SORBS2: variants seen among roughly 807,000 people sequenced by gnomAD.
SORBS2 encodes sorbin and SH3 domain-containing protein 2.
In SORBS2, 46 loss-of-function variants were observed where a neutral mutation model predicts 97.7. The ratio of observed to expected loss-of-function variants is 0.47; its 90% confidence interval spans 0.37 to 0.60. The LOEUF is 0.60. Ranked by LOEUF, SORBS2 falls within the 20% of genes least tolerant of loss-of-function variation. The probability of loss-of-function intolerance (pLI) is 0.00; values close to 1 mark genes in which losing one functional copy is unlikely to be tolerated. For synonymous variants in SORBS2, 476 were observed against 473.4 expected (o/e 1.01, Z -0.07); for missense variants, 1,316 against 1,282.3 (o/e 1.03, Z -0.40).
At chr4:185,774,784 A>G (rs2098991879) in intron 2 of SORBS2, 1 of 152,148 alleles carries the variant, frequency 6.6e-6, no homozygotes, top group Admixed American at 6.5e-5. Flanking sequence ...AGAACATTAT[A>G]CAATACGGCT....
intron 2 of SORBS2, among the ~76,000 whole-genome samples, chr4:185,704,579 A>G (rs1196393483): frequency 6.6e-6 from 1 of 152,094 alleles, no homozygotes; most frequent in Non-Finnish European, 1.5e-5. Flanking sequence ...TCGGCCTCCC[A>G]AAGTGCTGGG....
chr4:185,790,280 T>C (rs763142996), intron 1 of SORBS2, among the ~76,000 whole-genome samples: 5 of 152,180 alleles, frequency 3.3e-5, no homozygotes, highest in Non-Finnish European at 5.9e-5. Flanking sequence ...GTAGCTAGCA[T>C]TGGGGTAAGA....
intron 1 of SORBS2, among the ~76,000 whole-genome samples, chr4:185,886,372 A>G (rs1209928570): frequency 1.3e-5 from 2 of 151,906 alleles, no homozygotes; most frequent in Non-Finnish European, 2.9e-5. Context: ...TGGCTAACAC[A>G]GTGAAACCCC....
At chr4:185,848,671 T>A (rs899536386) in intron 1 of SORBS2, among the ~76,000 whole-genome samples, 1 of 120,172 alleles carries the variant, frequency 8.3e-6, no homozygotes, top group Non-Finnish European at 1.6e-5. Flanking sequence ...AGAGGCAGGG[T>A]CTCCATACAT....
At chr4:185,733,571 C>T (rs760144934) in intron 2 of SORBS2, among the ~76,000 whole-genome samples, 9 of 152,256 alleles carry the variant, frequency 5.9e-5, no homozygotes, top group Admixed American at 1.3e-4. Context: ...GGGATAAGGG[C>T]GTTCCTGGTC....
At chr4:185,853,392 T>C (rs2099219000) in intron 1 of SORBS2, among the ~76,000 whole-genome samples, 1 of 152,218 alleles carries the variant, frequency 6.6e-6, no homozygotes, top group Non-Finnish European at 1.5e-5. Context: ...TGATCTCGGC[T>C]TCTTCTAGTT....
At chr4:185,938,811 C>T (rs1413901011) in intron 1 of SORBS2, among the ~76,000 whole-genome samples, 4 of 152,236 alleles carry the variant, frequency 2.6e-5, no homozygotes, top group Non-Finnish European at 2.9e-5. Flanking sequence ...TCATCCCCTG[C>T]TCCTCTATTC....
chr4:185,734,700 A>G (rs1037187976), intron 2 of SORBS2, among the ~76,000 whole-genome samples: 5 of 152,170 alleles, frequency 3.3e-5, no homozygotes, highest in Admixed American at 1.3e-4. Context: ...GGAGGGAGCT[A>G]GGAAGGGTGA....
chr4:185,948,118 C>T (rs905869489), intron 1 of SORBS2, among the ~76,000 whole-genome samples: 12 of 152,156 alleles, frequency 7.9e-5, no homozygotes, highest in African/African-American at 2.9e-4. Context: ...ATTCTTAGTG[C>T]ATCCTAGACT....
At chr4:185,950,303 A>G (rs2099276614) in intron 1 of SORBS2, among the ~76,000 whole-genome samples, 2 of 152,220 alleles carry the variant, frequency 1.3e-5, no homozygotes, top group African/African-American at 4.8e-5. Context: ...ATTGGGCTAC[A>G]GCTCAACACT....
intron 2 of SORBS2, among the ~76,000 whole-genome samples, chr4:185,723,394 T>C (rs757187983): frequency 6.6e-5 from 10 of 152,226 alleles, no homozygotes; most frequent in Non-Finnish European, 1.2e-4. Context: ...GAACAGGGTA[T>C]GTTTTAATGT....
intron 1 of SORBS2, among the ~76,000 whole-genome samples, chr4:185,923,173 G>T (rs2099261778): frequency 6.6e-6 from 1 of 152,200 alleles, no homozygotes; most frequent in South Asian, 2.1e-4. Context: ...TGAGTGTCTT[G>T]TCCCATCTTC....
chr4:185,689,022 T>G (rs564894134), intron 2 of SORBS2, among the ~76,000 whole-genome samples: 1 of 152,278 alleles, frequency 6.6e-6, no homozygotes, highest in Non-Finnish European at 1.5e-5. Flanking sequence ...AAGCAGTAAC[T>G]TGGGTCAAGT....
At chr4:185,634,436 G>A (rs547933194) in intron 4 of SORBS2, among the ~76,000 whole-genome samples, 4 of 152,112 alleles carry the variant, frequency 2.6e-5, no homozygotes, top group African/African-American at 4.8e-5. Context: ...TATTTACTTC[G>A]TTCCCATGCT....
intron 12 of SORBS2, among the ~76,000 whole-genome samples, chr4:185,599,277 C>A (rs976817400): frequency 2.6e-5 from 4 of 152,196 alleles, no homozygotes; most frequent in African/African-American, 7.2e-5. Flanking sequence ...GGAAAGGAAT[C>A]CTGACTTATG....
intron 2 of SORBS2, among the ~76,000 whole-genome samples, chr4:185,706,141 T>C (rs1562026043): frequency 6.6e-6 from 1 of 152,240 alleles, no homozygotes. Flanking sequence ...GCCACGTTGA[T>C]TTAATCAATC....
chr4:185,944,392 T>C (rs1425478232), intron 1 of SORBS2, among the ~76,000 whole-genome samples: 4 of 152,228 alleles, frequency 2.6e-5, no homozygotes, highest in Non-Finnish European at 5.9e-5. Context: ...TGAGTCTCAA[T>C]GTCAGTTCAT....
intron 2 of SORBS2, among the ~76,000 whole-genome samples, chr4:185,724,271 G>A (rs536669988): frequency 1.4e-4 from 21 of 151,438 alleles, no homozygotes; most frequent in African/African-American, 5.1e-4. Flanking sequence ...CTTAAGCTGT[G>A]CTGGGACAAC....
At chr4:185,810,665 C>G (rs1475134880) in intron 1 of SORBS2, 2 of 152,070 alleles carry the variant, frequency 1.3e-5, no homozygotes, top group African/African-American at 4.8e-5. Context: ...ATTTTCTTAC[C>G]AGGGATTTTG....
Sources: allele counts gnomAD v4.1 joint callset (sites outside exome capture counted in the v4.1 genomes callset), GRCh38; gene constraint gnomAD v4.1.1; transcripts MANE v1.5; gene names NCBI Gene and HGNC (gene_info 2026-07-23, HGNC 2026-07-21).